C2orf15: variants seen among roughly 807,000 people sequenced by gnomAD.
The protein encoded by C2orf15 is uncharacterized protein C2orf15.
C2orf15 carries 3 observed loss-of-function variants against 4.4 expected under a neutral mutation model. That is an observed-to-expected ratio of 0.67 (90% CI 0.31 to 1.74). The LOEUF (loss-of-function observed/expected upper bound fraction) is 1.74. Among genes scored for constraint, C2orf15 ranks in the 40% most tolerant of loss-of-function variants. The pLI is 0.09. For synonymous variants in C2orf15, 37 were observed against 36.8 expected, an observed-to-expected ratio of 1.00 and a Z score of -0.02; for missense variants, 90 against 103.3, an observed-to-expected ratio of 0.87 and a Z score of 0.56.
chr2:99,143,326 G>GT (rs1165811204), intron 2 of C2orf15, among the ~76,000 whole-genome samples: 9 of 150,420 alleles, frequency 6.0e-5, no homozygotes, highest in African/African-American at 2.2e-4. Context: ...TTTGTTTTTT[G>GT]TTTTTTGTAT....
At chr2:99,150,114 C>T (rs2093678242) in intron 3 of C2orf15, among the ~76,000 whole-genome samples, 1 of 152,160 alleles carries the variant, frequency 6.6e-6, no homozygotes, top group Admixed American at 6.6e-5. Context: ...CTTTATAGGA[C>T]ATCTTTATTT....
chr2:99,151,023 G>A lies in C2orf15; in HGVS notation c.*189G>A. On this transcript the variant is annotated 3_prime_UTR_variant, in exon 4 of 4. Coordinates refer to ENST00000650052, the MANE Select transcript of C2orf15 (RefSeq NM_144706.4). ...CTTATTCAAAAGGCAGTTGCTTTAG[G>A]GTGAAAAAGCCTTCCAAGATTCAAA... The A allele has an allele frequency of 2.2e-6, 1 of 451,550 alleles. No homozygotes were observed. Among genetic ancestry groups the A allele is most frequent in the Non-Finnish European group, 4.0e-6 (1 of 251,716 alleles). The allele number at this position is 451,550 out of a possible 1,614,324, so 28.0% of individuals were successfully genotyped here. A position where few individuals can be genotyped will look rare whatever the true frequency, so the allele number is the denominator to read the frequency against.
chr2:99,142,479 A>C (rs1409131663), intron 2 of C2orf15, 78 bp downstream of exon 2: 1 of 152,226 alleles, frequency 6.6e-6, no homozygotes, highest in Non-Finnish European at 1.5e-5. Context: ...TTTAGTCATA[A>C]AAATACATTT....
rs878942064 is a variant in C2orf15, at chr2:99,150,480, C to A, written c.-76-3C>A. ...CACTTGTTACTTTTTTTTTTTTTTT[C>A]AGTAATCAAGTTGAAGAAACACTTC... On this transcript the variant is annotated splice_region_variant and splice_polypyrimidine_tract_variant and intron_variant, in intron 3 of 3. Coordinates refer to ENST00000650052, the MANE Select transcript of C2orf15 (RefSeq NM_144706.4). 3.3e-5 allele frequency: 39 copies of A among 1,171,062 alleles called. No homozygotes were observed. Among genetic ancestry groups the A allele is most frequent in the Admixed American group, 8.6e-5 (3 of 34,750 alleles). 72.5% of individuals were successfully genotyped at this position (1,171,062 alleles called of 1,614,324 possible).
intron 2 of C2orf15, among the ~76,000 whole-genome samples, chr2:99,145,021 C>T (rs1236517093): frequency 1.3e-5 from 2 of 152,190 alleles, no homozygotes; most frequent in African/African-American, 2.4e-5. Flanking sequence ...TATTATCACA[C>T]GGTTCTGGAG....
intron 2 of C2orf15, among the ~76,000 whole-genome samples, chr2:99,145,765 G>C (rs1348665876): frequency 6.6e-6 from 1 of 152,170 alleles, no homozygotes; most frequent in Non-Finnish European, 1.5e-5. Flanking sequence ...CAGATATGTA[G>C]ATAATTTTTT....
At chr2:99,143,878 T>C (rs1444720852) in intron 2 of C2orf15, among the ~76,000 whole-genome samples, 1 of 152,160 alleles carries the variant, frequency 6.6e-6, no homozygotes, top group Non-Finnish European at 1.5e-5. Context: ...AAAGCTTCAC[T>C]ACAAAAACCT....
At chr2:99,144,084 G>A (rs1404375102) in intron 2 of C2orf15, among the ~76,000 whole-genome samples, 1 of 152,082 alleles carries the variant, frequency 6.6e-6, no homozygotes, top group South Asian at 2.1e-4. Context: ...GCAGTGGCGC[G>A]ATCTCCGCTC....
intron 2 of C2orf15, among the ~76,000 whole-genome samples, chr2:99,145,670 A>G (rs2093624450): frequency 6.6e-6 from 1 of 152,160 alleles, no homozygotes; most frequent in Non-Finnish European, 1.5e-5. Flanking sequence ...CCCCCTTGCC[A>G]CATAACATAA....
In C2orf15 at chr2:99,143,647, G is replaced by A. The variant is rs116528598; in HGVS notation, c.-169+1246G>A. Among the ~76,000 whole-genome samples, 498 of 151,410 alleles carry A rather than the reference G, an allele frequency of 3.3e-3. 4 individuals are homozygous for A. The highest frequency in any genetic ancestry group is 0.012 in the African/African-American group (477 of 41,246). On this transcript the variant is annotated intron_variant, in intron 2 of 3. Coordinates refer to ENST00000650052, the MANE Select transcript of C2orf15 (RefSeq NM_144706.4). ...CACCATGCCCAGCTAATTTTTGTAT[G>A]TTTTTGTAGAGATGCGGTTTCACCA...
chr2:99,148,738 AG>A (rs2093657656), intron 3 of C2orf15, among the ~76,000 whole-genome samples: 1 of 152,126 alleles, frequency 6.6e-6, no homozygotes, highest in Admixed American at 6.5e-5. Flanking sequence ...TTGGGAGCTG[AG>A]GTGGGTGGAT....
intron 3 of C2orf15, among the ~76,000 whole-genome samples, chr2:99,148,111 C>G (rs2093650637): frequency 6.6e-6 from 1 of 152,148 alleles, no homozygotes; most frequent in African/African-American, 2.4e-5. Context: ...CTCAGCCTCT[C>G]TGTGTCTTTC....
In C2orf15 at chr2:99,150,944, T is replaced by C. The variant is rs2093688061; in HGVS notation, c.*110T>C. 9.0e-6 allele frequency: 6 copies of C among 664,696 alleles called. No homozygotes were observed. The Admixed American group carries it at 9.1e-5, about 10-fold the overall frequency. The allele number at this position is 664,696 out of a possible 1,614,324, so 41.2% of individuals were successfully genotyped here. ...ACCCTGACAAAATGATGGAAGACTA[T>C]TGCCTTATTTTGCACTATTTGTGAA... is the stretch of plus-strand genomic sequence containing the variant. On this transcript the variant is annotated 3_prime_UTR_variant, in exon 4 of 4. Transcript: ENST00000650052.
At chr2:99,149,366 T>G (rs975714209) in intron 3 of C2orf15, among the ~76,000 whole-genome samples, 1 of 151,988 alleles carries the variant, frequency 6.6e-6, no homozygotes, top group Non-Finnish European at 1.5e-5. Flanking sequence ...CTGCCCATCT[T>G]TGAAAGCGAA....
chr2:99,148,779 T>G (rs968217375), intron 3 of C2orf15, among the ~76,000 whole-genome samples: 1 of 152,082 alleles, frequency 6.6e-6, no homozygotes, highest in Non-Finnish European at 1.5e-5. Context: ...AAGACCAGCC[T>G]GGTCAACATG....
intron 2 of C2orf15, among the ~76,000 whole-genome samples, chr2:99,146,551 C>T (rs2093634090): frequency 6.6e-6 from 1 of 152,168 alleles, no homozygotes; most frequent in Non-Finnish European, 1.5e-5. Context: ...TCTTTCTTCA[C>T]TCCAAGGTAA....
chr2:99,145,454 G>A (rs565530870), intron 2 of C2orf15, among the ~76,000 whole-genome samples: 1 of 151,948 alleles, frequency 6.6e-6, no homozygotes, highest in African/African-American at 2.4e-5. Flanking sequence ...AGCTACTTGG[G>A]AGCTGAGGCA....
chr2:99,146,726 T>TCAAGCGATTCTCCTGCCTC (rs2093636072), intron 2 of C2orf15, among the ~76,000 whole-genome samples: 1 of 152,126 alleles, frequency 6.6e-6, no homozygotes, highest in Non-Finnish European at 1.5e-5. Context: ...CCCCCTGGGT[T>TCAAGCGATTCTCCTGCCTC]CAAGCGATTC....
intron 2 of C2orf15, among the ~76,000 whole-genome samples, chr2:99,143,133 CTTTTTTTTTTTTTTT>C (rs10605521): frequency 2.4e-5 from 2 of 82,154 alleles, no homozygotes; most frequent in African/African-American, 4.5e-5. Flanking sequence ...CCAACTAAAC[CTTTTTTTTTTTTTTT>C]TTTTTTTTTT....
Sources: gnomAD v4.1 joint callset for allele counts (sites outside exome capture counted in the v4.1 genomes callset) on GRCh38, gnomAD v4.1.1 for gene constraint, MANE v1.5 for transcripts, NCBI Gene and HGNC (gene_info 2026-07-23, HGNC 2026-07-21) for gene names.